The following ARHGEF10L variants were observed in gnomAD, a reference collection of about 807,000 sequenced individuals.
ARHGEF10L encodes rho guanine nucleotide exchange factor 10-like protein.
A neutral mutation model predicts 141.2 loss-of-function variants in ARHGEF10L; 69 were observed. The observed-to-expected ratio is 0.49, with a 90% CI of 0.40 to 0.60. The LOEUF (loss-of-function observed/expected upper bound fraction) is 0.60. Ranked by LOEUF, ARHGEF10L falls within the 20% of genes least tolerant of loss-of-function variation. The pLI is 0.00. For synonymous variants in ARHGEF10L, 711 were observed against 718.5 expected, an observed-to-expected ratio of 0.99 and a Z score of 0.17; for missense variants, 1,482 against 1,734.3, an observed-to-expected ratio of 0.85 and a Z score of 2.58.
rs575994734 is a variant in ARHGEF10L, at chr1:17,616,816, C to T, written c.835+614C>T. Among the ~76,000 whole-genome samples, 39 of 152,256 alleles carry T rather than the reference C, an allele frequency of 2.6e-4. No homozygotes were observed. In the Middle Eastern group the frequency reaches 0.01, roughly 40 times the overall value. On this transcript the variant is annotated intron_variant, in intron 9 of 28. Transcript: ENST00000361221. ...AGGAGGCACAGGTCACCAGGCAGAG[C>T]GGAGTGGGTGCTCTGGGAAGAGGAG... is the stretch of plus-strand genomic sequence containing the variant.
Position 17,556,310 on chromosome 1 carries a change from C to G in ARHGEF10L, c.-44+16360C>G, listed in dbSNP as rs371299184. ...TGGGAGCACAGGGCGGGCCTGGGAG[C>G]ACGGGGGTGGGCCTGGGAGCATGGG... is the stretch of plus-strand genomic sequence containing the variant. On this transcript the variant is annotated intron_variant, in intron 1 of 28. Transcript: ENST00000361221. Among the ~76,000 whole-genome samples, 234 of 117,806 alleles carry G rather than the reference C, an allele frequency of 2.0e-3. 3 individuals are homozygous for G. Among genetic ancestry groups the G allele is most frequent in the Middle Eastern group, 0.013 (3 of 226 alleles). 77.3% of individuals were successfully genotyped at this position (117,806 alleles called of 152,430 possible).
At chr1:17,602,018 G>A in intron 4 of ARHGEF10L, 109 bp from the exon 5 acceptor site, 1 of 988,560 alleles carries the variant, frequency 1.0e-6, no homozygotes, top group Non-Finnish European at 1.5e-6. Flanking sequence ...CAGCAGCCTG[G>A]CCCTCAGCCC....
intron 1 of ARHGEF10L, among the ~76,000 whole-genome samples, chr1:17,557,663 G>A (rs2077387610): frequency 6.6e-6 from 1 of 152,212 alleles, no homozygotes; most frequent in Admixed American, 6.5e-5. Flanking sequence ...TCATTCGTTC[G>A]ACAAGTATGT....
chr1:17,623,005 A>C lies in ARHGEF10L; in HGVS notation c.1030A>C (p.Asn344His), dbSNP rs1287603965. ...CCGCCCTCCCCGGCAGGACTACCGC[A>C]ACCCCCTGATGGAGATGGAGCCCAA... ...SLKRILQDYRNPLMEMEPKAL... is the reference protein window; with the variant it reads ...SLKRILQDYRHPLMEMEPKAL... Residue 344 changes from asparagine to histidine, a missense_variant, in exon 12 of 29, where the codon AAC becomes CAC. Around this residue, in one of 3 missense-constraint regions of ARHGEF10L, gnomAD observed 392 missense variants for 542.1 expected, o/e 0.72. Coordinates refer to ENST00000361221, the MANE Select transcript of ARHGEF10L (RefSeq NM_018125.4). This position sits in a 1 kb window ranked among gnomAD's most constrained non-coding sequence, Gnocchi z 4.7. 3.7e-6 allele frequency: 6 copies of C among 1,612,702 alleles called. No individual in the cohort carries two copies. The highest frequency in any genetic ancestry group is 3.4e-6 in the Non-Finnish European group (4 of 1,179,718).
chr1:17,694,865 C>T (rs946435337), intron 27 of ARHGEF10L: 2 of 584,434 alleles, frequency 3.4e-6, no homozygotes, highest in Non-Finnish European at 6.4e-6. Context: ...ATTGAGAGCG[C>T]ACACAGACCA....
At position 17,659,448 on chromosome 1, in the gene ARHGEF10L, T is replaced by G. The variant is rs1311163243; in HGVS notation, c.2860+2740T>G. 2.0e-5 allele frequency among the ~76,000 whole-genome samples: 3 copies of G among 152,202 alleles called. No individual in the cohort carries two copies. The East Asian group carries it at 5.8e-4, about 29-fold the overall frequency. Reference sequence around the variant, plus strand: ...GCGGCCAGGTCTTGAATCATCCACCTGGTCCGTGACCAGCTGTGGGACTGG... The same window carrying G: ...GCGGCCAGGTCTTGAATCATCCACCGGGTCCGTGACCAGCTGTGGGACTGG... On this transcript the variant is annotated intron_variant, in intron 25 of 28. Transcript: ENST00000361221.
Position 17,556,104 on chromosome 1 carries a change from T to G in ARHGEF10L, c.-44+16154T>G, listed in dbSNP as rs190949754. 7.1e-3 allele frequency among the ~76,000 whole-genome samples: 543 copies of G among 75,994 alleles called. 4 individuals are homozygous for G. The highest frequency in any genetic ancestry group is 0.027 in the African/African-American group (515 of 18,814). 49.9% of individuals were successfully genotyped at this position (75,994 alleles called of 152,430 possible). ...GGGCCTGGGAACACAGGGATGAGCCTGGGAGCATGGGGGGGGCCTGGAAAC... is the reference window on the plus strand; with the variant it reads ...GGGCCTGGGAACACAGGGATGAGCCGGGGAGCATGGGGGGGGCCTGGAAAC... On this transcript the variant is annotated intron_variant, in intron 1 of 28. Coordinates refer to ENST00000361221, the MANE Select transcript of ARHGEF10L (RefSeq NM_018125.4).
the ARHGEF10L span, among the ~76,000 whole-genome samples, chr1:17,529,439 G>A: frequency 1.3e-5 from 2 of 152,248 alleles, no homozygotes; most frequent in Non-Finnish European, 2.9e-5. Flanking sequence ...CCCCAAGCCA[G>A]CTTCTCAGGG....
intron 7 of ARHGEF10L, among the ~76,000 whole-genome samples, chr1:17,608,423 C>A (rs889646605): frequency 6.6e-6 from 1 of 152,240 alleles, no homozygotes; most frequent in Admixed American, 6.5e-5. Context: ...CCCGCGCAGT[C>A]CTCTCTGCTC....
chr1:17,541,859 C>T (rs975146312), intron 1 of ARHGEF10L, among the ~76,000 whole-genome samples: 5 of 152,110 alleles, frequency 3.3e-5, no homozygotes, highest in South Asian at 2.1e-4. Flanking sequence ...CCCAGCTACT[C>T]GGGAGGCTGA....
chr1:17,681,608 C>T (rs756036948), intron 26 of ARHGEF10L, among the ~76,000 whole-genome samples: 14 of 152,212 alleles, frequency 9.2e-5, no homozygotes, highest in Non-Finnish European at 1.5e-4. Flanking sequence ...TGCCAGTGTT[C>T]GGCCAGGTGC....
chr1:17,680,965 G>A (rs1478704088), intron 26 of ARHGEF10L, among the ~76,000 whole-genome samples: 1 of 152,030 alleles, frequency 6.6e-6, no homozygotes, highest in African/African-American at 2.4e-5. Flanking sequence ...TGTAATTTTA[G>A]TAGAGACATG....
At chr1:17,524,271 C>T in the ARHGEF10L span, among the ~76,000 whole-genome samples, 1 of 151,554 alleles carries the variant, frequency 6.6e-6, no homozygotes, top group Non-Finnish European at 1.5e-5. Context: ...TGTCACTGCA[C>T]TCCAGCTTGG....
intron 1 of ARHGEF10L, among the ~76,000 whole-genome samples, chr1:17,560,385 G>C (rs1237307053): frequency 6.6e-6 from 1 of 152,196 alleles, no homozygotes; most frequent in African/African-American, 2.4e-5. Context: ...GCAATGCTAT[G>C]TGTATCAGAG....
At chr1:17,539,310 C>G (rs542226123), upstream of ARHGEF10L, among the ~76,000 whole-genome samples, 1 of 152,306 alleles carries the variant, frequency 6.6e-6, no homozygotes, top group Admixed American at 6.5e-5. The surrounding 1 kb of genome is among the most constrained non-coding windows in gnomAD (Gnocchi z 6.0). Context: ...GGATTCTCAC[C>G]CTTTTGGGGG....
intron 4 of ARHGEF10L, among the ~76,000 whole-genome samples, chr1:17,593,977 G>A (rs2100778690): frequency 6.7e-6 from 1 of 149,928 alleles, no homozygotes; most frequent in African/African-American, 2.5e-5. Flanking sequence ...CATCTAGGAT[G>A]GTGCTCTGCT....
rs201357610 is a variant in ARHGEF10L at position 17,626,059 on chromosome 1, G to C, written c.1410+11G>C. The C allele has an allele frequency of 2.0e-5, 32 of 1,613,212 alleles. No homozygotes were observed. The African/African-American group carries it at 3.2e-4, about 16-fold the overall frequency. On this transcript the variant is annotated intron_variant, in intron 14 of 28. Coordinates refer to ENST00000361221, the MANE Select transcript of ARHGEF10L (RefSeq NM_018125.4). ...ATACTCCTGCTTCAGGTACTGCTCAGGATTCCAGCAGCTTCAACCCACAGG... is the reference window on the plus strand; with the variant it reads ...ATACTCCTGCTTCAGGTACTGCTCACGATTCCAGCAGCTTCAACCCACAGG...
Position 17,619,644 on chromosome 1 carries a change from G to A in ARHGEF10L, c.942+199G>A, listed in dbSNP as rs1452913738. Among the ~76,000 whole-genome samples, 9 of 152,158 alleles carry A rather than the reference G, an allele frequency of 5.9e-5. No homozygotes were observed. The highest frequency in any genetic ancestry group is 2.2e-4 in the African/African-American group (9 of 41,422). ...ACAGGCTTTCCACTTTCTACCCCGT[G>A]TGCTCTGTGCTGTTGGTTTTGGGGG... On this transcript the variant is annotated intron_variant, in intron 10 of 28. Transcript: ENST00000361221. This position sits in a 1 kb window ranked among gnomAD's most constrained non-coding sequence, Gnocchi z 5.0.
At chr1:17,658,008 G>A (rs1347422204) in intron 25 of ARHGEF10L, among the ~76,000 whole-genome samples, 7 of 152,354 alleles carry the variant, frequency 4.6e-5, no homozygotes, top group East Asian at 1.9e-4. Context: ...TGGAAGCCTG[G>A]GGTCCGTGTT....
Sources: allele counts gnomAD v4.1 joint callset (sites outside exome capture counted in the v4.1 genomes callset), GRCh38; gene constraint gnomAD v4.1.1; regional missense constraint gnomAD v4.1.1; non-coding constraint Gnocchi (gnomAD v3.1); transcripts MANE v1.5; gene names NCBI Gene and HGNC (gene_info 2026-07-23, HGNC 2026-07-21).